Variants in RERE observed in about 807,000 individuals in gnomAD.
RERE encodes arginine-glutamic acid dipeptide repeats.
RERE carries 40 observed loss-of-function variants against 146.1 expected under a neutral mutation model. The observed-to-expected ratio is 0.27, with a 90% CI of 0.21 to 0.36. The LOEUF is 0.36. Ranked by LOEUF, RERE falls within the 10% of genes least tolerant of loss-of-function variation. The probability of loss-of-function intolerance (pLI) is 1.00; values close to 1 mark genes in which losing one functional copy is unlikely to be tolerated. For missense variants in RERE, 1,933 were observed against 2,138.7 expected, an observed-to-expected ratio of 0.90 and a Z score of 1.90; for synonymous variants, 1,003 against 866.0, an observed-to-expected ratio of 1.16 and a Z score of -2.78.
intron 1 of RERE, among the ~76,000 whole-genome samples, chr1:8,710,742 C>T (rs961207355): frequency 6.6e-6 from 1 of 152,144 alleles, no homozygotes; most frequent in Non-Finnish European, 1.5e-5. Flanking sequence ...GTCTCAATCT[C>T]CTGACCTCTT....
chr1:8,624,264 AAG>A (rs773517414), intron 3 of RERE, 44 bp downstream of exon 3: 15 of 1,411,210 alleles, frequency 1.1e-5, no homozygotes, highest in South Asian at 5.8e-5. Context: ...GAACTGGAAA[AAG>A]AGAGAATACA....
chr1:8,369,404 AAAG>A (rs1465879364), intron 12 of RERE, among the ~76,000 whole-genome samples: 2 of 151,672 alleles, frequency 1.3e-5, no homozygotes, highest in Admixed American at 6.6e-5. Flanking sequence ...GTTGACACTT[AAAG>A]AAGAAGTAGT....
intron 1 of RERE, among the ~76,000 whole-genome samples, chr1:8,675,566 C>T (rs892532949): frequency 6.6e-6 from 1 of 150,638 alleles, no homozygotes; most frequent in Non-Finnish European, 1.5e-5. Flanking sequence ...TCCAGCTACT[C>T]GGGAGGATTA....
chr1:8,435,626 C>A (rs536667376), intron 11 of RERE, among the ~76,000 whole-genome samples: 1 of 152,336 alleles, frequency 6.6e-6, no homozygotes, highest in Admixed American at 6.5e-5. Flanking sequence ...TTTGTCAACA[C>A]ACCTGCATGC....
At chr1:8,433,888 A>G (rs1323207439) in intron 11 of RERE, among the ~76,000 whole-genome samples, 1 of 152,182 alleles carries the variant, frequency 6.6e-6, no homozygotes, top group Non-Finnish European at 1.5e-5. Flanking sequence ...AGTCCTCTCT[A>G]GGGTCAAATA....
intron 1 of RERE, among the ~76,000 whole-genome samples, chr1:8,812,228 A>G (rs762944612): frequency 1.3e-5 from 2 of 152,258 alleles, no homozygotes; most frequent in Non-Finnish European, 2.9e-5. Context: ...ATAGGGTATG[A>G]GGATTCCTCA....
chr1:8,723,953 T>G (rs746394694), intron 1 of RERE, among the ~76,000 whole-genome samples: 2 of 152,200 alleles, frequency 1.3e-5, no homozygotes, highest in Non-Finnish European at 2.9e-5. Flanking sequence ...TAAATGAAGC[T>G]CTTATATCAA....
At chr1:8,456,421 A>C (rs941746355) in intron 11 of RERE, among the ~76,000 whole-genome samples, 2 of 152,240 alleles carry the variant, frequency 1.3e-5, no homozygotes, top group Non-Finnish European at 2.9e-5. Context: ...AAACTTATGT[A>C]GTAAATATTG....
intron 1 of RERE, among the ~76,000 whole-genome samples, chr1:8,667,004 A>G (rs930281693): frequency 6.6e-6 from 1 of 152,250 alleles, no homozygotes; most frequent in East Asian, 1.9e-4. Context: ...AAATTCAAAG[A>G]GCAGCCTTTG....
At chr1:8,451,018 C>T (rs1289414623) in intron 11 of RERE, among the ~76,000 whole-genome samples, 4 of 152,196 alleles carry the variant, frequency 2.6e-5, no homozygotes, top group Non-Finnish European at 5.9e-5. Context: ...ACCATGACCC[C>T]CACAACATCC....
At chr1:8,471,429 C>T (rs1253112490) in intron 10 of RERE, among the ~76,000 whole-genome samples, 3 of 152,010 alleles carry the variant, frequency 2.0e-5, no homozygotes, top group Admixed American at 6.6e-5. Flanking sequence ...CCTCCCACTT[C>T]AGCCGCCCAA....
chr1:8,362,554 TG>T, intron 16 of RERE, 128 bp downstream of exon 16: 1 of 1,242,518 alleles, frequency 8.0e-7, no homozygotes, highest in Non-Finnish European at 1.1e-6. Flanking sequence ...AGGACAATGC[TG>T]GTGTCCAGAC....
intron 1 of RERE, among the ~76,000 whole-genome samples, chr1:8,707,834 G>A (rs1210787153): frequency 6.6e-6 from 1 of 152,150 alleles, no homozygotes; most frequent in African/African-American, 2.4e-5. Flanking sequence ...TTTATCCACA[G>A]TTTCGCTTTC....
chr1:8,745,621 G>A (rs763192588), intron 1 of RERE, among the ~76,000 whole-genome samples: 7 of 152,062 alleles, frequency 4.6e-5, no homozygotes, highest in Non-Finnish European at 1.0e-4. Context: ...AGGATTCCAC[G>A]GTTCACTGAA....
At chr1:8,684,264 A>T (rs2124403249) in intron 1 of RERE, among the ~76,000 whole-genome samples, 1 of 152,338 alleles carries the variant, frequency 6.6e-6, no homozygotes, top group African/African-American at 2.4e-5. Context: ...CAATGACCAA[A>T]TACATTTTCA....
At chr1:8,511,166 C>G (rs1645330806) in intron 7 of RERE, among the ~76,000 whole-genome samples, 2 of 152,100 alleles carry the variant, frequency 1.3e-5, no homozygotes, top group African/African-American at 4.8e-5. Flanking sequence ...ACTAGAACTA[C>G]TTATATCTCA....
intron 1 of RERE, chr1:8,750,861 C>A: frequency 1.2e-6 from 1 of 828,494 alleles, no homozygotes; most frequent in Non-Finnish European, 2.1e-6. Context: ...TGGGGGAACC[C>A]AAATCTGAAG....
intron 7 of RERE, chr1:8,525,761 G>A (rs75355390): frequency 6.3e-7 from 1 of 1,599,424 alleles, no homozygotes; most frequent in Non-Finnish European, 8.5e-7. Context: ...TAGCCTACCT[G>A]CAGGGGCTGA....
intron 4 of RERE, among the ~76,000 whole-genome samples, chr1:8,601,756 C>G (rs1411623705): frequency 6.7e-6 from 1 of 149,302 alleles, no homozygotes; most frequent in Non-Finnish European, 1.5e-5. Flanking sequence ...CACACACACA[C>G]ACACACACAC....
Sources: allele counts gnomAD v4.1 joint callset (sites outside exome capture counted in the v4.1 genomes callset), GRCh38; gene constraint gnomAD v4.1.1; transcripts MANE v1.5; gene names NCBI Gene and HGNC (gene_info 2026-07-23, HGNC 2026-07-21).